Variants in DLGAP2 observed in about 807,000 individuals in gnomAD.
The protein encoded by DLGAP2 is DLG associated protein 2, also known as disks large-associated protein 2.
Under a neutral mutation model 100.3 loss-of-function variants are expected in DLGAP2, and 26 were observed. The observed-to-expected ratio is 0.26, with a 90% CI of 0.19 to 0.36. DLGAP2 has a LOEUF of 0.36. DLGAP2 is among the 10% of genes least tolerant of loss of function. The pLI is 1.00. For missense variants in DLGAP2, 1,858 were observed against 1,453.2 expected (o/e 1.28, Z -4.53); for synonymous variants, 886 against 630.1 (o/e 1.41, Z -6.08).
intron 2 of DLGAP2, among the ~76,000 whole-genome samples, chr8:1,117,074 A>T (rs150903815): frequency 1.4e-3 from 207 of 152,330 alleles, no homozygotes; most frequent in African/African-American, 4.8e-3. Context: ...ATGGGTTTTT[A>T]AAATTTGCTA....
intron 3 of DLGAP2, among the ~76,000 whole-genome samples, chr8:1,267,289 G>T (rs1799474167): frequency 6.7e-6 from 1 of 149,842 alleles, no homozygotes; most frequent in Admixed American, 6.7e-5. Context: ...AAAAAGGTCT[G>T]GGTGCAGTGG....
intron 2 of DLGAP2, among the ~76,000 whole-genome samples, chr8:1,174,863 C>A (rs897031912): frequency 6.6e-6 from 1 of 152,068 alleles, no homozygotes; most frequent in Non-Finnish European, 1.5e-5. Flanking sequence ...TTTACAAAAT[C>A]CTAAGTGAGT....
chr8:1,317,401 C>T (rs1800782784), intron 3 of DLGAP2, among the ~76,000 whole-genome samples: 2 of 140,096 alleles, frequency 1.4e-5, no homozygotes, highest in South Asian at 2.3e-4. Flanking sequence ...GCGAGTGCAG[C>T]GTCTCTCCAA....
chr8:1,364,931 C>T (rs1349631093), intron 3 of DLGAP2, among the ~76,000 whole-genome samples: 1 of 152,206 alleles, frequency 6.6e-6, no homozygotes, highest in Non-Finnish European at 1.5e-5. Context: ...AGCAGCGAAG[C>T]TCCCACCTTC....
chr8:1,633,605 C>G (rs749997436), intron 8 of DLGAP2, among the ~76,000 whole-genome samples: 1 of 152,214 alleles, frequency 6.6e-6, no homozygotes, highest in African/African-American at 2.4e-5. Flanking sequence ...AATTTACCGC[C>G]CAACCTAAAT....
chr8:1,549,714 T>C, intron 5 of DLGAP2, 31 bp downstream of exon 5: 1 of 1,509,040 alleles, frequency 6.6e-7, no homozygotes, highest in Non-Finnish European at 8.9e-7. Flanking sequence ...GTGGAGGCCG[T>C]CTCGGCACAG....
At chr8:1,060,682 G>T (rs1036580306) in intron 2 of DLGAP2, among the ~76,000 whole-genome samples, 2 of 152,208 alleles carry the variant, frequency 1.3e-5, no homozygotes, top group Admixed American at 6.5e-5. Context: ...GGGGGATGAT[G>T]TTCATCCCGT....
At chr8:1,053,422 C>T (rs749248966) in intron 2 of DLGAP2, among the ~76,000 whole-genome samples, 1 of 152,132 alleles carries the variant, frequency 6.6e-6, no homozygotes, top group Non-Finnish European at 1.5e-5. Flanking sequence ...AGCTTGATCT[C>T]CACAGAGAAG....
intron 3 of DLGAP2, among the ~76,000 whole-genome samples, chr8:1,377,389 A>G (rs1430900530): frequency 6.6e-6 from 1 of 152,146 alleles, no homozygotes; most frequent in South Asian, 2.1e-4. Context: ...CAGAAAATAC[A>G]AAAAATTAGC....
rs77739662 is a variant in DLGAP2, at chr8:1,107,017, A to G, written c.74-151834A>G. Reference sequence around the variant, plus strand: ...AGAGAGTCTATTAAACCGCACCTGTATACAGCATCTAGCAGGCAGCAGTGA... The same window carrying G: ...AGAGAGTCTATTAAACCGCACCTGTGTACAGCATCTAGCAGGCAGCAGTGA... On this transcript the variant is annotated intron_variant, in intron 2 of 14. Transcript: ENST00000637795. Among the ~76,000 whole-genome samples the G allele has an allele frequency of 5.8e-3, 884 of 152,322 alleles. 6 individuals carry two copies. The highest frequency in any genetic ancestry group is 0.02 in the African/African-American group (845 of 41,564).
chr8:1,146,889 C>T (rs139493605), intron 2 of DLGAP2, among the ~76,000 whole-genome samples: 1 of 152,212 alleles, frequency 6.6e-6, no homozygotes, highest in African/African-American at 2.4e-5. Flanking sequence ...GCCAATTCCT[C>T]ACTGCCACAA....
At chr8:1,630,388 T>G (rs1324878458) in intron 7 of DLGAP2, among the ~76,000 whole-genome samples, 1 of 152,068 alleles carries the variant, frequency 6.6e-6, no homozygotes. Flanking sequence ...GTGAATTTGG[T>G]GACAAACCAA....
At chr8:1,049,463 C>T (rs11778949) in intron 2 of DLGAP2, among the ~76,000 whole-genome samples, 21,009 of 152,068 alleles carry the variant, frequency 0.14, 1,857 homozygotes, top group Non-Finnish European at 0.2. Context: ...CTTAACGTCA[C>T]ACGGGAATAC....
chr8:1,523,252 G>T (rs966101820), intron 4 of DLGAP2, among the ~76,000 whole-genome samples: 1 of 152,236 alleles, frequency 6.6e-6, no homozygotes, highest in Non-Finnish European at 1.5e-5. Flanking sequence ...CGTTGAATTT[G>T]GATTTGCTTG....
chr8:1,433,931 T>C (rs1472961361), intron 3 of DLGAP2, among the ~76,000 whole-genome samples: 1 of 152,164 alleles, frequency 6.6e-6, no homozygotes, highest in African/African-American at 2.4e-5. Context: ...AAACCGAGAA[T>C]AACACCTCTT....
intron 2 of DLGAP2, among the ~76,000 whole-genome samples, chr8:1,126,738 T>G (rs377119594): frequency 2.0e-5 from 3 of 152,128 alleles, no homozygotes; most frequent in East Asian, 3.9e-4. Context: ...GAACATTTGT[T>G]GTCTCTGGAA....
chr8:1,326,364 C>T (rs995423375), intron 3 of DLGAP2, among the ~76,000 whole-genome samples: 1 of 152,208 alleles, frequency 6.6e-6, no homozygotes, highest in Non-Finnish European at 1.5e-5. Context: ...AATATCACTT[C>T]ACAGTGTACC....
chr8:1,552,951 T>C (rs917960106), intron 5 of DLGAP2, among the ~76,000 whole-genome samples: 6 of 152,184 alleles, frequency 3.9e-5, no homozygotes, highest in African/African-American at 1.4e-4. Context: ...ACTAAGCATC[T>C]AAGGTCAAAC....
chr8:1,237,083 G>T (rs1477060863), intron 2 of DLGAP2, among the ~76,000 whole-genome samples: 2 of 133,482 alleles, frequency 1.5e-5, no homozygotes, highest in East Asian at 4.4e-4. Context: ...ACATGGCGCC[G>T]TGTCTAGTTC....
Sources: allele counts gnomAD v4.1 joint callset (sites outside exome capture counted in the v4.1 genomes callset), GRCh38; gene constraint gnomAD v4.1.1; transcripts MANE v1.5; gene names NCBI Gene and HGNC (gene_info 2026-07-23, HGNC 2026-07-21).